The following MID2 variants were observed in gnomAD, a reference collection of about 807,000 sequenced individuals.
The protein encoded by MID2 is midline 2.
In MID2, 13 loss-of-function variants were observed where a neutral mutation model predicts 46.1. The ratio of observed to expected loss-of-function variants is 0.28; its 90% CI spans 0.18 to 0.45. The LOEUF (loss-of-function observed/expected upper bound fraction) is 0.45, where lower values mean the gene tolerates loss of function less well. MID2 is among the 20% of genes least tolerant of loss of function. The pLI is 1.00. For missense variants in MID2, 431 were observed against 575.4 expected, an observed-to-expected ratio of 0.75 and a Z score of 2.57; for synonymous variants, 199 against 212.3, an observed-to-expected ratio of 0.94 and a Z score of 0.55.
At chrX:107,883,260 T>C (rs954168884) in intron 3 of MID2, among the ~76,000 whole-genome samples, 1 of 110,876 alleles carries the variant, frequency 9.0e-6, no homozygotes, top group East Asian at 2.8e-4. Flanking sequence ...AGGTGACGGG[T>C]TGATGGGTAC....
chrX:107,911,259 A>G (rs1412328902), intron 5 of MID2, among the ~76,000 whole-genome samples: 1 of 111,431 alleles, frequency 9.0e-6, no homozygotes, highest in Non-Finnish European at 1.9e-5. Flanking sequence ...ATTATTTGCT[A>G]ATAATTTCCT....
intron 2 of MID2, among the ~76,000 whole-genome samples, chrX:107,845,590 G>T (rs1405714478): frequency 9.4e-6 from 1 of 106,800 alleles, no homozygotes; most frequent in Non-Finnish European, 1.9e-5. Flanking sequence ...GCTAATGATT[G>T]CCAGACAATG....
chrX:107,882,619 C>T (rs1932346512), intron 3 of MID2, among the ~76,000 whole-genome samples: 1 of 111,758 alleles, frequency 8.9e-6, no homozygotes, highest in African/African-American at 3.3e-5. Flanking sequence ...TCATCACTGG[C>T]CATCAGAGAA....
At chrX:107,890,520 C>T (rs1199781218) in intron 3 of MID2, among the ~76,000 whole-genome samples, 2 of 112,060 alleles carry the variant, frequency 1.8e-5, no homozygotes, top group Non-Finnish European at 3.8e-5. Context: ...AGGTATCAGT[C>T]TGCCCCTACT....
Position 107,826,069 on chromosome X carries a change from T to C in MID2, c.-358T>C, listed in dbSNP as rs1408392340. 1.0e-5 allele frequency: 3 copies of C among 294,227 alleles called. No individual in the cohort carries two copies. The highest frequency in any genetic ancestry group is 1.2e-5 in the Non-Finnish European group (2 of 169,108). 24.2% of individuals were successfully genotyped at this position (294,227 alleles called of 1,213,427 possible). The stretch of plus-strand genomic sequence containing the variant: ...TCCCTTTTGGAAGGGATTGCCTTTT[T>C]TTTCCTCTGCGGCGGCGGAAATGAC... On this transcript the variant is annotated 5_prime_UTR_variant, in exon 1 of 10. Transcript: ENST00000262843.
chrX:107,840,465 G>A (rs759485631), intron 1 of MID2, among the ~76,000 whole-genome samples: 1 of 112,322 alleles, frequency 8.9e-6, no homozygotes, highest in African/African-American at 3.2e-5. Flanking sequence ...ATCTATTTGT[G>A]CATGAAAATA....
intron 1 of MID2, among the ~76,000 whole-genome samples, chrX:107,827,783 T>A (rs1210802339): frequency 1.0e-5 from 1 of 98,812 alleles, no homozygotes; most frequent in Non-Finnish European, 2.0e-5. Context: ...TCTCCTCTCA[T>A]GACTGTACTG....
Position 107,929,952 on chromosome X carries a change from G to T in MID2, c.*2879G>T, listed in dbSNP as rs1933252192. ...GTGTTTGTTAAAAGAATTGATTTTG[G>T]GTTCCCACTCCTGACCTAACCAGAA... On this transcript the variant is annotated 3_prime_UTR_variant, in exon 10 of 10. Transcript: ENST00000262843. Among the ~76,000 whole-genome samples the T allele has an allele frequency of 9.0e-6, 1 of 111,383 alleles. No homozygotes were observed. Among genetic ancestry groups the T allele is most frequent in the Non-Finnish European group, 1.9e-5 (1 of 52,956 alleles).
chrX:107,865,732 T>A (rs1017335244), intron 3 of MID2, among the ~76,000 whole-genome samples: 1 of 112,675 alleles, frequency 8.9e-6, no homozygotes, highest in African/African-American at 3.2e-5. Context: ...TTCCAGCTTC[T>A]CCTTAGTAAC....
chrX:107,873,802 G>A (rs975190050), intron 3 of MID2, among the ~76,000 whole-genome samples: 1 of 111,102 alleles, frequency 9.0e-6, no homozygotes. Flanking sequence ...GAAAAACCGA[G>A]GATAATAGTC....
intron 3 of MID2, among the ~76,000 whole-genome samples, chrX:107,856,532 C>G (rs375060572): frequency 8.9e-6 from 1 of 112,023 alleles, no homozygotes; most frequent in East Asian, 2.8e-4. Context: ...TAGGACCTCT[C>G]TAAGGTCTCA....
chrX:107,856,069 T>C (rs1273060100), intron 3 of MID2, among the ~76,000 whole-genome samples: 1 of 112,138 alleles, frequency 8.9e-6, no homozygotes, highest in Non-Finnish European at 1.9e-5. Flanking sequence ...AAATGAAGAG[T>C]TGAACTGATA....
At chrX:107,883,200 G>A (rs1476179207) in intron 3 of MID2, among the ~76,000 whole-genome samples, 16 of 111,058 alleles carry the variant, frequency 1.4e-4, no homozygotes, top group African/African-American at 4.6e-4. Context: ...GGGGCCTGTC[G>A]GGGAGTGGGG....
chrX:107,905,440 G>C (rs376832227), intron 4 of MID2, 38 bp from the exon 5 acceptor site: 1 of 1,122,947 alleles, frequency 8.9e-7, no homozygotes, highest in African/African-American at 1.8e-5. Context: ...AGCACTGCAT[G>C]TTTTATCTTA....
intron 8 of MID2, among the ~76,000 whole-genome samples, chrX:107,924,984 A>G (rs939445134): frequency 2.7e-5 from 3 of 112,515 alleles, no homozygotes; most frequent in Admixed American, 9.4e-5. Context: ...GTTCAGGGCT[A>G]ATGCAGCTGC....
intron 3 of MID2, among the ~76,000 whole-genome samples, chrX:107,861,450 T>A (rs1931852582): frequency 9.0e-6 from 1 of 110,894 alleles, no homozygotes; most frequent in African/African-American, 3.3e-5. Context: ...TGAAACCCCA[T>A]CTCTACAAAA....
chrX:107,907,627 C>CA (rs1385061383), intron 5 of MID2, among the ~76,000 whole-genome samples: 1 of 111,002 alleles, frequency 9.0e-6, no homozygotes, highest in African/African-American at 3.3e-5. Flanking sequence ...ACCAACCAAA[C>CA]AAAAAAACCC....
At position 107,841,268 on chromosome X, in the gene MID2, G is replaced by A; in HGVS notation, c.603G>A (p.Glu201=). 1 of 1,211,451 alleles carries A rather than the reference G, an allele frequency of 8.3e-7. No individual in the cohort carries two copies. Among genetic ancestry groups the A allele is most frequent in the Non-Finnish European group, 1.1e-6 (1 of 895,288 alleles). Residue 201 remains glutamate, a synonymous_variant, in exon 2 of 10, where the codon GAG becomes GAA. Coordinates refer to ENST00000262843, the MANE Select transcript of MID2 (RefSeq NM_012216.4). The part of the protein sequence containing the change: ...RGITCLDHEN[E]KVNMYCVSDD... ...TCACCTGCCTGGACCATGAGAATGA[G>A]AAAGTGAACATGTACTGTGTATCTG...
chrX:107,845,523 A>ACTCTCTCTCTCT (rs1193188324), intron 2 of MID2, among the ~76,000 whole-genome samples: 50 of 85,922 alleles, frequency 5.8e-4, no homozygotes, highest in African/African-American at 1.9e-3. Flanking sequence ...ACACACACAC[A>ACTCTCTCTCTCT]CACTCTCTCT....
Sources: gnomAD v4.1 joint callset for allele counts (sites outside exome capture counted in the v4.1 genomes callset) on GRCh38, gnomAD v4.1.1 for gene constraint, MANE v1.5 for transcripts, NCBI Gene and HGNC (gene_info 2026-07-23, HGNC 2026-07-21) for gene names.